Variants in SCN9A observed in about 807,000 individuals in gnomAD.
The protein encoded by SCN9A is sodium channel protein type 9 subunit alpha.
SCN9A carries 131 observed loss-of-function variants against 187.0 expected under a neutral mutation model. The ratio of observed to expected loss-of-function variants is 0.70; its 90% confidence interval spans 0.61 to 0.81. The LOEUF is 0.81. Among genes scored for constraint, SCN9A ranks in the 30% least tolerant of loss-of-function variants. SCN9A has a pLI of 0.00. For missense variants in SCN9A, 2,252 were observed against 2,396.6 expected (o/e 0.94, Z 1.26); for synonymous variants, 809 against 808.6 (o/e 1.00, Z -0.01).
At chr2:166,302,767 T>G (rs942247063) in intron 7 of SCN9A, 5 of 150,106 alleles carry the variant, frequency 3.3e-5, no homozygotes, top group African/African-American at 9.8e-5. Flanking sequence ...ATATATAATC[T>G]ATTATATTGT....
rs112712500 is a variant in SCN9A, at chr2:166,226,861, C to G, written c.4261-157G>C. Among the ~76,000 whole-genome samples the G allele has an allele frequency of 9.6e-3, 1,463 of 152,060 alleles. 27 individuals are homozygous for G. Among genetic ancestry groups the G allele is most frequent in the African/African-American group, 0.033 (1,356 of 41,514 alleles). ...TGAGGTTTAACATAATCACTCTTAACAATTTATTCAACATGTATTCATTAC... is the reference window on the plus strand; with the variant it reads ...TGAGGTTTAACATAATCACTCTTAAGAATTTATTCAACATGTATTCATTAC... On this transcript the variant is annotated intron_variant, in intron 23 of 26. Transcript: ENST00000642356.
chr2:166,290,527 C>T (rs1376519886), intron 9 of SCN9A, among the ~76,000 whole-genome samples: 1 of 152,092 alleles, frequency 6.6e-6, no homozygotes, highest in Non-Finnish European at 1.5e-5. Flanking sequence ...ATTTACACTC[C>T]CACCAACAGT....
At chr2:166,291,461 G>C (rs574784894) in intron 9 of SCN9A, among the ~76,000 whole-genome samples, 6 of 152,288 alleles carry the variant, frequency 3.9e-5, no homozygotes, top group African/African-American at 1.4e-4. Flanking sequence ...CATACTCATG[G>C]ATAGGAAGAA....
At chr2:166,274,873 A>C (rs951132641) in intron 16 of SCN9A, among the ~76,000 whole-genome samples, 6 of 152,162 alleles carry the variant, frequency 3.9e-5, no homozygotes, top group African/African-American at 1.4e-4. Context: ...AACCTCCCTT[A>C]AGTCTCAATC....
intron 17 of SCN9A, among the ~76,000 whole-genome samples, chr2:166,265,141 A>G (rs549749553): frequency 6.6e-4 from 100 of 152,098 alleles, no homozygotes; most frequent in African/African-American, 2.3e-3. Context: ...CAACGATTCA[A>G]TAGAACACCA....
intron 19 of SCN9A, among the ~76,000 whole-genome samples, chr2:166,240,327 G>C (rs755857558): frequency 6.8e-6 from 1 of 146,832 alleles, no homozygotes; most frequent in Admixed American, 6.6e-5. Flanking sequence ...AGGTAAACAC[G>C]TGTCATGGGG....
chr2:166,226,709 A>G lies in SCN9A; in HGVS notation c.4261-5T>C, dbSNP rs1694856788. On this transcript the variant is annotated splice_polypyrimidine_tract_variant and splice_region_variant and intron_variant, in intron 23 of 26. Coordinates refer to ENST00000642356, the MANE Select transcript of SCN9A (RefSeq NM_001365536.1). ...ATATTTGGGCTGCTTGTCTACCTAT[A>G]AAATTTACAAAAGTTAGCATTATAT... 7 of 1,548,242 alleles carry G rather than the reference A, an allele frequency of 4.5e-6. No individual in the cohort carries two copies. Among genetic ancestry groups the G allele is most frequent in the Non-Finnish European group, 6.1e-6 (7 of 1,150,724 alleles).
At chr2:166,219,684 T>G (rs1180310289) in intron 24 of SCN9A, among the ~76,000 whole-genome samples, 2 of 152,140 alleles carry the variant, frequency 1.3e-5, no homozygotes, top group Admixed American at 1.3e-4. Flanking sequence ...TGTTTACCTA[T>G]GTAACAAGAC....
At chr2:166,233,084 G>T (rs1272498622) in intron 21 of SCN9A, among the ~76,000 whole-genome samples, 1 of 145,876 alleles carries the variant, frequency 6.9e-6, no homozygotes, top group Admixed American at 6.9e-5. Flanking sequence ...TATATAATAT[G>T]CATATATATA....
At chr2:166,291,906 TA>T (rs1348773624) in intron 9 of SCN9A, among the ~76,000 whole-genome samples, 1 of 152,212 alleles carries the variant, frequency 6.6e-6, no homozygotes, top group Non-Finnish European at 1.5e-5. Flanking sequence ...CCTTACACCT[TA>T]TACAAAAATT....
chr2:166,344,294 TTAA>T (rs1397302475), intron 1 of SCN9A, among the ~76,000 whole-genome samples: 3 of 152,094 alleles, frequency 2.0e-5, no homozygotes, highest in South Asian at 2.1e-4. Context: ...AAATATGACA[TTAA>T]TAATAAGGCT....
chr2:166,264,782 G>A (rs1696660718), intron 17 of SCN9A, among the ~76,000 whole-genome samples: 1 of 151,852 alleles, frequency 6.6e-6, no homozygotes, highest in Non-Finnish European at 1.5e-5. Flanking sequence ...AGATATCAAA[G>A]GTCAGTGATG....
At chr2:166,272,211 T>C (rs933183318) in intron 17 of SCN9A, among the ~76,000 whole-genome samples, 188 bp downstream of exon 17, 7 of 152,072 alleles carry the variant, frequency 4.6e-5, no homozygotes, top group Non-Finnish European at 8.8e-5. Context: ...ATTAAATCAA[T>C]TATTAAGAAC....
chr2:166,275,322 C>T (rs1291862557), intron 16 of SCN9A, among the ~76,000 whole-genome samples: 3 of 151,866 alleles, frequency 2.0e-5, no homozygotes, highest in Non-Finnish European at 1.5e-5. Flanking sequence ...CAGTAGCTCA[C>T]GCCTGTAATT....
At chr2:166,347,148 TGA>T (rs1012187683) in intron 1 of SCN9A, among the ~76,000 whole-genome samples, 5 of 152,204 alleles carry the variant, frequency 3.3e-5, no homozygotes, top group Non-Finnish European at 4.4e-5. Flanking sequence ...AGAGTAAATT[TGA>T]GAGTCTGTCT....
intron 1 of SCN9A, among the ~76,000 whole-genome samples, chr2:166,337,529 G>C (rs1459772449): frequency 6.6e-6 from 1 of 152,056 alleles, no homozygotes; most frequent in Non-Finnish European, 1.5e-5. Context: ...TAAGAAAGAC[G>C]TGTACATAAA....
intron 1 of SCN9A, among the ~76,000 whole-genome samples, chr2:166,318,698 T>G (rs984116991): frequency 1.3e-5 from 2 of 152,142 alleles, no homozygotes; most frequent in Non-Finnish European, 2.9e-5. Context: ...TAGTTACCTT[T>G]TACTTTACCC....
chr2:166,206,509 A>T (rs6721909), intron 24 of SCN9A, among the ~76,000 whole-genome samples: 135,092 of 151,704 alleles, frequency 0.89, 60,265 homozygotes, highest in East Asian at 0.95. Context: ...CACCAGGGGC[A>T]GTTAGGGGGT....
intron 24 of SCN9A, among the ~76,000 whole-genome samples, chr2:166,205,898 C>A (rs185022848): frequency 3.3e-5 from 5 of 152,124 alleles, no homozygotes; most frequent in Admixed American, 2.0e-4. Context: ...ATGCAGCCAA[C>A]AGACATATGA....
Sources: gnomAD v4.1 joint callset for allele counts (sites outside exome capture counted in the v4.1 genomes callset) on GRCh38, gnomAD v4.1.1 for gene constraint, MANE v1.5 for transcripts, NCBI Gene and HGNC (gene_info 2026-07-23, HGNC 2026-07-21) for gene names.